The following SBF2 variants were observed in gnomAD, a reference collection of about 807,000 sequenced individuals.
The protein encoded by SBF2 is SET binding factor 2.
Under a neutral mutation model 225.2 loss-of-function variants are expected in SBF2, and 112 were observed. That is an observed-to-expected ratio of 0.50 (90% CI 0.43 to 0.58). The LOEUF is 0.58. Ranked by LOEUF, SBF2 falls within the 20% of genes least tolerant of loss-of-function variation. The pLI, the probability that SBF2 is intolerant of heterozygous loss-of-function variation, is 0.00. For synonymous variants in SBF2, 763 were observed against 773.3 expected (o/e 0.99, Z 0.22); for missense variants, 1,996 against 2,206.2 (o/e 0.90, Z 1.91).
In SBF2 at chr11:9,942,942, G is replaced by A. The variant is rs371369854; in HGVS notation, c.1860+19015C>T. Among the ~76,000 whole-genome samples the A allele has an allele frequency of 2.1e-3, 166 of 77,452 alleles. 2 individuals are homozygous for A. Among genetic ancestry groups the A allele is most frequent in the Middle Eastern group, 0.017 (2 of 116 alleles). The allele number at this position is 77,452 out of a possible 152,430, so 50.8% of individuals were successfully genotyped here. A position where few individuals can be genotyped will look rare whatever the true frequency, so the allele number is the denominator to read the frequency against. On this transcript the variant is annotated intron_variant, in intron 16 of 39. Transcript: ENST00000256190. Reference sequence around the variant, plus strand: ...AAGAAAGAAAGAAAGAAAGAAAGAAGGAAGGAACGAAGGAAGGAAAGAAGG... The same window carrying A: ...AAGAAAGAAAGAAAGAAAGAAAGAAAGAAGGAACGAAGGAAGGAAAGAAGG...
chr11:9,838,805 G>A (rs1855898007), intron 26 of SBF2: 1 of 152,144 alleles, frequency 6.6e-6, no homozygotes, highest in South Asian at 2.1e-4. Context: ...TGGTGAAAAT[G>A]TAATTTTAGA....
intron 1 of SBF2, among the ~76,000 whole-genome samples, chr11:10,244,105 T>G (rs1002160609): frequency 6.6e-6 from 1 of 152,200 alleles, no homozygotes; most frequent in Non-Finnish European, 1.5e-5. Context: ...ACTTCCCTCC[T>G]GGGACGTAAA....
chr11:10,230,942 T>C (rs976757721), intron 1 of SBF2, among the ~76,000 whole-genome samples: 2 of 152,208 alleles, frequency 1.3e-5, no homozygotes, highest in African/African-American at 2.4e-5. Flanking sequence ...CACTTTCAGG[T>C]ACACCAATCA....
chr11:10,284,283 G>A (rs1418178190), intron 1 of SBF2, among the ~76,000 whole-genome samples: 1 of 152,064 alleles, frequency 6.6e-6, no homozygotes, highest in African/African-American at 2.4e-5. Context: ...GTGGTTGTAT[G>A]TGTGTATTTA....
rs187976013 is a variant in SBF2, at chr11:9,937,263, A to T, written c.1860+24694T>A. 2.0e-5 allele frequency among the ~76,000 whole-genome samples: 3 copies of T among 152,346 alleles called. No homozygotes were observed. The East Asian group carries it at 5.8e-4, about 29-fold the overall frequency. ...TCTGAAGACTGGGGTCAAAGGGAAG[A>T]TCCTACAAGCTTCCACAGAGAAAAG... On this transcript the variant is annotated intron_variant, in intron 16 of 39. Transcript: ENST00000256190.
intron 33 of SBF2, among the ~76,000 whole-genome samples, chr11:9,792,055 A>G (rs1429324556): frequency 1.3e-5 from 2 of 152,230 alleles, no homozygotes; most frequent in African/African-American, 4.8e-5. Context: ...TAACCCTATA[A>G]TCCAGTATGT....
intron 16 of SBF2, among the ~76,000 whole-genome samples, chr11:9,913,338 G>A (rs1333432743): frequency 1.3e-5 from 2 of 152,102 alleles, no homozygotes; most frequent in Non-Finnish European, 2.9e-5. Flanking sequence ...CTCAACTTCA[G>A]TAGTAAATGC....
At chr11:10,047,455 T>C (rs1448274988) in intron 2 of SBF2, among the ~76,000 whole-genome samples, 3 of 152,108 alleles carry the variant, frequency 2.0e-5, no homozygotes, top group South Asian at 2.1e-4. Context: ...GAGCCCGAAG[T>C]AGACTACACA....
At chr11:9,806,129 A>G (rs974867052) in intron 32 of SBF2, among the ~76,000 whole-genome samples, 3 of 152,250 alleles carry the variant, frequency 2.0e-5, no homozygotes, top group Non-Finnish European at 2.9e-5. Flanking sequence ...GTAGAGGGCA[A>G]TAGTTACATA....
chr11:9,890,818 G>A (rs929872959), intron 17 of SBF2, among the ~76,000 whole-genome samples: 11 of 152,116 alleles, frequency 7.2e-5, no homozygotes, highest in African/African-American at 2.7e-4. Context: ...AGGTGCATGG[G>A]TCACTGGAGA....
At chr11:10,146,795 T>A (rs1381219188) in intron 2 of SBF2, among the ~76,000 whole-genome samples, 1 of 152,054 alleles carries the variant, frequency 6.6e-6, no homozygotes, top group Non-Finnish European at 1.5e-5. Flanking sequence ...ACCTACAGAA[T>A]GGGAGAAAAT....
chr11:9,937,302 G>C (rs1364997591), intron 16 of SBF2, among the ~76,000 whole-genome samples: 2 of 151,672 alleles, frequency 1.3e-5, no homozygotes, highest in Non-Finnish European at 2.9e-5. Context: ...AAGTTTTGTG[G>C]GAAGCATAAA....
At chr11:10,174,979 C>T (rs1591136226) in intron 2 of SBF2, among the ~76,000 whole-genome samples, 1 of 151,766 alleles carries the variant, frequency 6.6e-6, no homozygotes, top group East Asian at 1.9e-4. Flanking sequence ...TTTGTCACCA[C>T]CAGGCCTGCC....
rs375380284 is a variant in SBF2, at chr11:9,869,344, A to G, written c.1930-10948T>C. On this transcript the variant is annotated intron_variant, in intron 17 of 39. Coordinates refer to ENST00000256190, the MANE Select transcript of SBF2 (RefSeq NM_030962.4). ...TTTTTTTTCTTTTTTTTGGAGACAG[A>G]GTCTTGCTTAGTTACCCAGGCTGGA... is the stretch of plus-strand genomic sequence containing the variant. 1.2e-4 allele frequency among the ~76,000 whole-genome samples: 19 copies of G among 152,158 alleles called. No homozygotes were observed. The East Asian group carries it at 3.3e-3, about 26-fold the overall frequency.
chr11:10,210,243 G>C (rs1354548567), intron 1 of SBF2, among the ~76,000 whole-genome samples: 1 of 152,048 alleles, frequency 6.6e-6, no homozygotes, highest in African/African-American at 2.4e-5. Context: ...ACAAGGTCAA[G>C]GCTGCAGTGA....
At chr11:10,225,461 G>C (rs1394687879) in intron 1 of SBF2, among the ~76,000 whole-genome samples, 1 of 151,252 alleles carries the variant, frequency 6.6e-6, no homozygotes, top group African/African-American at 2.4e-5. Flanking sequence ...TAAGAAAATA[G>C]TAAACATCTA....
At chr11:9,997,951 G>T (rs779009021) in intron 9 of SBF2, among the ~76,000 whole-genome samples, 10 of 152,202 alleles carry the variant, frequency 6.6e-5, no homozygotes, top group African/African-American at 2.4e-4. Context: ...GGATCTTAGG[G>T]GAATCAGGGA....
chr11:9,985,617 C>T (rs915804232), intron 13 of SBF2, among the ~76,000 whole-genome samples: 1 of 152,156 alleles, frequency 6.6e-6, no homozygotes, highest in Non-Finnish European at 1.5e-5. Context: ...GACACCACGC[C>T]TGGCTGGGTA....
At chr11:10,215,439 C>G (rs1258782452) in intron 1 of SBF2, among the ~76,000 whole-genome samples, 1 of 152,170 alleles carries the variant, frequency 6.6e-6, no homozygotes, top group Admixed American at 6.5e-5. Context: ...AGATTCCAAA[C>G]CAAGGTTAAT....
Sources: gnomAD v4.1 joint callset for allele counts (sites outside exome capture counted in the v4.1 genomes callset) on GRCh38, gnomAD v4.1.1 for gene constraint, MANE v1.5 for transcripts, NCBI Gene and HGNC (gene_info 2026-07-23, HGNC 2026-07-21) for gene names.